The following ANKRD7 variants were observed in gnomAD, a reference collection of about 807,000 sequenced individuals.
ANKRD7 encodes the protein ankyrin repeat domain-containing protein 7.
Under a neutral mutation model 30.8 loss-of-function variants are expected in ANKRD7, and 30 were observed. That is an observed-to-expected ratio of 0.97 (90% CI 0.73 to 1.32). The LOEUF is 1.32. Among genes scored for constraint, ANKRD7 ranks in the 40% most tolerant of loss-of-function variants. The probability of loss-of-function intolerance (pLI) is 0.00; values close to 1 mark genes in which losing one functional copy is unlikely to be tolerated. For synonymous variants in ANKRD7, 97 were observed against 106.6 expected, an observed-to-expected ratio of 0.91 and a Z score of 0.55; for missense variants, 264 against 295.7, an observed-to-expected ratio of 0.89 and a Z score of 0.79.
At position 118,234,500 on chromosome 7, in the gene ANKRD7, CA is replaced by C. The variant is rs1459146168; in HGVS notation, c.253del (p.Ile85Ter). On this transcript the variant is annotated frameshift_variant, in exon 2 of 7. Coordinates refer to ENST00000265224, the MANE Select transcript of ANKRD7 (RefSeq NM_019644.4). LOFTEE classifies it high-confidence loss of function. ...TACTTTTCCTAATTGAGCAACAATGCAAAATAAATGTCCGGGATAGTGAAAA... is the reference window on the plus strand; with the variant it reads ...TACTTTTCCTAATTGAGCAACAATGCAAATAAATGTCCGGGATAGTGAAAA... Reference protein sequence around the residue: ...VVLFLIEQQCKINVRDSENKS... With the variant: ...VVLFLIEQQCXINVRDSENKS... 3.1e-6 allele frequency: 5 copies of C among 1,612,998 alleles called. No homozygotes were observed. In the Admixed American group the frequency reaches 8.4e-5, roughly 27 times the overall value.
At chr7:118,226,324 C>T (rs1809540829) in intron 1 of ANKRD7, among the ~76,000 whole-genome samples, 1 of 152,044 alleles carries the variant, frequency 6.6e-6, no homozygotes, top group Non-Finnish European at 1.5e-5. Context: ...AGCATATACA[C>T]TTAACCCTTG....
chr7:118,241,853 TA>T (rs1241678809), intron 6 of ANKRD7, among the ~76,000 whole-genome samples: 1 of 152,112 alleles, frequency 6.6e-6, no homozygotes, highest in African/African-American at 2.4e-5. Flanking sequence ...GAATTACTCT[TA>T]ATGTATACTC....
intron 3 of ANKRD7, 31 bp from the exon 4 acceptor site, chr7:118,236,010 T>C (rs760989246): frequency 2.4e-6 from 3 of 1,238,176 alleles, no homozygotes; most frequent in African/African-American, 3.0e-5. Flanking sequence ...TTTGCTACAA[T>C]ATTTTAATCA....
Position 118,235,529 on chromosome 7 carries a change from G to A in ANKRD7, c.469-512G>A, listed in dbSNP as rs576785198. 1.3e-3 allele frequency among the ~76,000 whole-genome samples: 194 copies of A among 150,582 alleles called. 2 individuals carry two copies. Among genetic ancestry groups the A allele is most frequent in the African/African-American group, 4.4e-3 (179 of 40,946 alleles). On this transcript the variant is annotated intron_variant, in intron 3 of 6. Coordinates refer to ENST00000265224, the MANE Select transcript of ANKRD7 (RefSeq NM_019644.4). Reference sequence around the variant, plus strand: ...CGGGAGGCTGAGGCAGGAGAATGGCGTGAACCCGGGAGGCGGGGCTTGCAG... The same window carrying A: ...CGGGAGGCTGAGGCAGGAGAATGGCATGAACCCGGGAGGCGGGGCTTGCAG...
In ANKRD7 at chr7:118,226,606, T is replaced by A. The variant is rs567325787; in HGVS notation, c.179+1597T>A. Among the ~76,000 whole-genome samples the A allele has an allele frequency of 4.3e-4, 66 of 152,324 alleles. 1 individual carries two copies. The highest frequency in any genetic ancestry group is 3.4e-3 in the Admixed American group (52 of 15,298). ...AAGTTGAAGTGGATCATCATAAAGT[T>A]CTTCATCCTGTTTTCTTCACATTGA... On this transcript the variant is annotated intron_variant, in intron 1 of 6. Coordinates refer to ENST00000265224, the MANE Select transcript of ANKRD7 (RefSeq NM_019644.4).
At chr7:118,232,318 TTAAAC>T (rs1809655828) in intron 1 of ANKRD7, among the ~76,000 whole-genome samples, 1 of 152,130 alleles carries the variant, frequency 6.6e-6, no homozygotes, top group South Asian at 2.1e-4. Context: ...TGGTTTTTTT[TTAAAC>T]TAAGATGACT....
rs2116027662 is a variant in ANKRD7, at chr7:118,239,946, G to A, written c.750G>A (p.Lys250=). 1 of 1,597,694 alleles carries A rather than the reference G, an allele frequency of 6.3e-7. No homozygotes were observed. The highest frequency in any genetic ancestry group is 8.5e-7 in the Non-Finnish European group (1 of 1,169,808). Residue 250 remains lysine, a synonymous_variant, in exon 6 of 7, where the codon AAG becomes AAA. Coordinates refer to ENST00000265224, the MANE Select transcript of ANKRD7 (RefSeq NM_019644.4). ...AATTCACTGCGAGCCATGGAAAGAAGAAACATGCTAAATAGACACCTTATT... is the reference window on the plus strand; with the variant it reads ...AATTCACTGCGAGCCATGGAAAGAAAAAACATGCTAAATAGACACCTTATT... ...YPQFTASHGK[K]KHAK
intron 6 of ANKRD7, 69 bp downstream of exon 6, chr7:118,240,067 A>G: frequency 1.2e-6 from 1 of 846,388 alleles, no homozygotes; most frequent in Non-Finnish European, 1.6e-6. Context: ...TAGGAAAGGA[A>G]ACAACTTTCT....
chr7:118,225,419 C>T (rs1440845954), intron 1 of ANKRD7, among the ~76,000 whole-genome samples: 2 of 150,016 alleles, frequency 1.3e-5, no homozygotes, highest in Non-Finnish European at 2.9e-5. Flanking sequence ...ACCCGGAAGG[C>T]GGAGGTTGCA....
At position 118,224,805 on chromosome 7, in the gene ANKRD7, A is replaced by AG. The variant is rs779741780; in HGVS notation, c.-23dup. The AG allele has an allele frequency of 1.9e-5, 30 of 1,600,130 alleles. No homozygotes were observed. Among genetic ancestry groups the AG allele is most frequent in the Non-Finnish European group, 2.5e-5 (29 of 1,175,212 alleles). ...GGAGTTCAAGAAACATCCTGGTCTG[A>AG]GGGAAAGGCTGCAGCCTGCACCGCC... is the stretch of plus-strand genomic sequence containing the variant. On this transcript the variant is annotated 5_prime_UTR_variant, in exon 1 of 7. Transcript: ENST00000265224.
In ANKRD7 at chr7:118,236,930, A is replaced by T; in HGVS notation, c.712+4A>T. The T allele has an allele frequency of 1.2e-6, 2 of 1,613,458 alleles. No homozygotes were observed. The highest frequency in any genetic ancestry group is 1.7e-6 in the Non-Finnish European group (2 of 1,179,652). The stretch of plus-strand genomic sequence containing the variant: ...TTTATTTCCATGGTTTTACTGCGTA[A>T]GTGATACTGCATGTCTTTTAACAAC... On this transcript the variant is annotated splice_donor_region_variant and intron_variant, in intron 5 of 6. Transcript: ENST00000265224.
intron 1 of ANKRD7, among the ~76,000 whole-genome samples, chr7:118,232,993 A>G (rs1446298939): frequency 1.3e-5 from 2 of 152,106 alleles, no homozygotes; most frequent in Admixed American, 6.6e-5. Flanking sequence ...GAAAACTCCT[A>G]TTACATAAGG....
rs763924668 is a variant in ANKRD7, at chr7:118,236,881, G to A, written c.667G>A (p.Val223Met). Residue 223 changes from valine to methionine, a missense_variant, in exon 5 of 7, where the codon GTG (valine) becomes ATG (methionine). Physicochemically the swap from Val to Met is conservative, Grantham distance 21 (BLOSUM62 1). Transcript: ENST00000265224. The part of the protein sequence containing the change: ...QGVELCYEGI[V>M]DSQLRNMFIS... ...TGTGGAATTATGTTACGAAGGTATT[G>A]TGGATTCACAGCTGAGGAATATGTT... 6.4e-5 allele frequency: 103 copies of A among 1,613,930 alleles called. No homozygotes were observed. The highest frequency in any genetic ancestry group is 3.0e-5 in the Non-Finnish European group (35 of 1,179,938).
chr7:118,240,442 T>C (rs1809811589), intron 6 of ANKRD7, among the ~76,000 whole-genome samples: 1 of 152,190 alleles, frequency 6.6e-6, no homozygotes, highest in South Asian at 2.1e-4. Flanking sequence ...GATAGTTTAC[T>C]GAGAATGATG....
chr7:118,233,003 G>A (rs769409801), intron 1 of ANKRD7, among the ~76,000 whole-genome samples: 15 of 152,000 alleles, frequency 9.9e-5, no homozygotes, highest in Non-Finnish European at 1.8e-4. Flanking sequence ...ATTACATAAG[G>A]AATTTCATCC....
intron 1 of ANKRD7, among the ~76,000 whole-genome samples, chr7:118,231,509 G>T (rs189323861): frequency 1.2e-4 from 18 of 152,036 alleles, no homozygotes; most frequent in Non-Finnish European, 2.7e-4. Context: ...AGCTTCCTTG[G>T]TTACTTCTCC....
intron 1 of ANKRD7, among the ~76,000 whole-genome samples, chr7:118,230,651 T>TAGAG (rs145201143): frequency 6.7e-6 from 1 of 148,814 alleles, no homozygotes; most frequent in Non-Finnish European, 1.5e-5. Context: ...TGTGTGTGTG[T>TAGAG]AGAGAGAGAG....
At chr7:118,239,854 T>C (rs1809794812) in intron 5 of ANKRD7, 55 bp from the exon 6 acceptor site, 2 of 1,207,900 alleles carry the variant, frequency 1.7e-6, no homozygotes, top group Non-Finnish European at 2.4e-6. Context: ...GATACTTATA[T>C]GTTAGGAATT....
chr7:118,231,453 G>A (rs890186855), intron 1 of ANKRD7, among the ~76,000 whole-genome samples: 4 of 151,848 alleles, frequency 2.6e-5, no homozygotes, highest in South Asian at 2.1e-4. Context: ...AGATTACATC[G>A]AAAGTGCCCA....
Sources: gnomAD v4.1 joint callset for allele counts (sites outside exome capture counted in the v4.1 genomes callset) on GRCh38, gnomAD v4.1.1 for gene constraint, MANE v1.5 for transcripts, NCBI Gene and HGNC (gene_info 2026-07-23, HGNC 2026-07-21) for gene names.